PARD3: variants seen among roughly 807,000 people sequenced by gnomAD.
PARD3 encodes the protein par-3 family cell polarity regulator, also known as partitioning defective 3 homolog.
Under a neutral mutation model 155.4 loss-of-function variants are expected in PARD3, and 75 were observed. That is an observed-to-expected ratio of 0.48 (90% CI 0.40 to 0.58). The LOEUF (loss-of-function observed/expected upper bound fraction) is 0.58. PARD3 is among the 20% of genes least tolerant of loss of function. The pLI is 0.00. For synonymous variants in PARD3, 576 were observed against 610.5 expected (o/e 0.94, Z 0.83); for missense variants, 1,642 against 1,721.7 (o/e 0.95, Z 0.82).
intron 1 of PARD3, among the ~76,000 whole-genome samples, chr10:34,789,827 T>C (rs1254796833): frequency 6.6e-6 from 1 of 152,250 alleles, no homozygotes; most frequent in African/African-American, 2.4e-5. Flanking sequence ...TATGGGTGTT[T>C]ACTATCTTCT....
intron 2 of PARD3, among the ~76,000 whole-genome samples, chr10:34,662,336 A>G (rs2093345200): frequency 1.3e-5 from 2 of 152,226 alleles, no homozygotes; most frequent in South Asian, 4.1e-4. Flanking sequence ...CACAATAGAA[A>G]ACCATTTGGA....
At chr10:34,375,631 G>C (rs1841151791) in intron 10 of PARD3, among the ~76,000 whole-genome samples, 2 of 152,064 alleles carry the variant, frequency 1.3e-5, no homozygotes, top group African/African-American at 4.8e-5. Context: ...CTTGTTCTTA[G>C]GGAATCTTTT....
chr10:34,656,291 A>G (rs1446221304), intron 2 of PARD3, among the ~76,000 whole-genome samples: 1 of 152,080 alleles, frequency 6.6e-6, no homozygotes, highest in Non-Finnish European at 1.5e-5. Flanking sequence ...ACATAAACTG[A>G]CCTTAATTCC....
chr10:34,500,443 T>C (rs2133417906), intron 3 of PARD3, among the ~76,000 whole-genome samples: 1 of 152,224 alleles, frequency 6.6e-6, no homozygotes, highest in Non-Finnish European at 1.5e-5. Context: ...ACAGAATTAT[T>C]AAAATTGTCT....
rs377026317 is a variant in PARD3 at position 34,403,570 on chromosome 10, G to A, written c.715-1653C>T. Among the ~76,000 whole-genome samples, 120 of 152,270 alleles carry A rather than the reference G, an allele frequency of 7.9e-4. 1 individual carries two copies. In the South Asian group the frequency reaches 0.023, roughly 29 times the overall value. On this transcript the variant is annotated intron_variant, in intron 5 of 24. Transcript: ENST00000374788. ...CGAATCTATGAGAAGTAGAAACTAA[G>A]GGCACCAAACTTTTCTGTGAGTCGT...
rs762727556 is a variant in PARD3 at position 34,111,534 on chromosome 10, A to G, written c.3697T>C (p.Ser1233Pro). 6.3e-7 allele frequency: 1 copy of G among 1,599,420 alleles called. No homozygotes were observed. The highest frequency in any genetic ancestry group is 1.7e-4 in the Middle Eastern group (1 of 5,888). Residue 1233 changes from serine (S) to proline (P), a missense_variant, in exon 25 of 25, where the codon TCC (serine) becomes CCC (proline). By Grantham distance (74) the Ser-to-Pro change is moderately conservative (BLOSUM62 -1). Around this residue, in one of 3 missense-constraint regions of PARD3, gnomAD observed 1,529 missense variants for 1,587.3 expected, o/e 0.96. Coordinates refer to ENST00000374788, the MANE Select transcript of PARD3 (RefSeq NM_001184785.2). Reference protein sequence around the residue: ...RQSRKNASSVSQDSWEQNYSP... With the variant: ...RQSRKNASSVPQDSWEQNYSP... Reference sequence around the variant, plus strand: ...TAGTTCTGCTCCCAAGAGTCCTGGGAGACCGAGCTGGCATTTTTCCTGCTT... The same window carrying G: ...TAGTTCTGCTCCCAAGAGTCCTGGGGGACCGAGCTGGCATTTTTCCTGCTT...
rs2081841190 is a variant in PARD3, at chr10:34,517,298, A to C, written c.223-139T>G. On this transcript the variant is annotated intron_variant, in intron 2 of 24. Transcript: ENST00000374788. ...TAGAATGGTAAGTTTTACGAAGAAA[A>C]ACCTCAAAGAAACAGTGTTTCCCTA... is the stretch of plus-strand genomic sequence containing the variant. The C allele has an allele frequency of 4.4e-6, 3 of 676,642 alleles. No homozygotes were observed. In the South Asian group the frequency reaches 8.2e-5, roughly 19 times the overall value. The allele number at this position is 676,642 out of a possible 1,614,324, so 41.9% of individuals were successfully genotyped here.
intron 4 of PARD3, among the ~76,000 whole-genome samples, chr10:34,465,579 T>C (rs1028133336): frequency 1.3e-5 from 2 of 152,056 alleles, no homozygotes; most frequent in African/African-American, 2.4e-5. Flanking sequence ...ATTTAAAAAA[T>C]CAAAAGAAAA....
chr10:34,129,683 TTTGTAATGTCAAGCCTC>T lies in PARD3; in HGVS notation c.3540+1763_3540+1779del, dbSNP rs1169835077. Among the ~76,000 whole-genome samples the T allele has an allele frequency of 1.8e-4, 16 of 90,072 alleles. 2 individuals carry two copies. Among genetic ancestry groups the T allele is most frequent in the East Asian group, 2.0e-4 (1 of 5,126 alleles). The allele number at this position is 90,072 out of a possible 152,430, so 59.1% of individuals were successfully genotyped here. On this transcript the variant is annotated intron_variant, in intron 23 of 24. Transcript: ENST00000374788. Reference sequence around the variant, plus strand: ...TCCTCAAATCAAATGTTCCTTTTTTTTTGTAATGTCAAGCCTCTTTTTTTTTTTTTTTTTTGAGCCAG... The same window carrying T: ...TCCTCAAATCAAATGTTCCTTTTTTTTTTTTTTTTTTTTTTTTTGAGCCAG...
At chr10:34,126,915 G>T (rs1947318445) in intron 23 of PARD3, among the ~76,000 whole-genome samples, 2 of 151,722 alleles carry the variant, frequency 1.3e-5, no homozygotes, top group African/African-American at 4.8e-5. Flanking sequence ...ATAATTCCCT[G>T]CTCACTCATT....
chr10:34,390,753 A>G lies in PARD3; in HGVS notation c.891-6499T>C, dbSNP rs138960885. 8.2e-3 allele frequency among the ~76,000 whole-genome samples: 1,251 copies of G among 152,318 alleles called. 10 individuals carry two copies. Among genetic ancestry groups the G allele is most frequent in the Non-Finnish European group, 0.011 (747 of 68,020 alleles). On this transcript the variant is annotated intron_variant, in intron 7 of 24. Coordinates refer to ENST00000374788, the MANE Select transcript of PARD3 (RefSeq NM_001184785.2). ...GGAAAATAAATTGCGTTTTCAATAC[A>G]TAATAGAGCAAAAAATGATAAAGAA...
intron 3 of PARD3, among the ~76,000 whole-genome samples, chr10:34,510,833 T>A (rs2081359702): frequency 6.6e-6 from 1 of 152,196 alleles, no homozygotes; most frequent in Admixed American, 6.5e-5. Flanking sequence ...GTATTAATCA[T>A]AAATAACTCA....
intron 22 of PARD3, among the ~76,000 whole-genome samples, chr10:34,204,338 A>T (rs1463274099): frequency 3.3e-5 from 5 of 152,218 alleles, no homozygotes; most frequent in Non-Finnish European, 7.3e-5. Flanking sequence ...GGGCTGGACA[A>T]GATAACCACC....
Position 34,517,161 on chromosome 10 carries a change from T to A in PARD3, c.223-2A>T. The A allele has an allele frequency of 6.2e-7, 1 of 1,612,040 alleles. No homozygotes were observed. Among genetic ancestry groups the A allele is most frequent in the Non-Finnish European group, 8.5e-7 (1 of 1,179,126 alleles). ...CTGCTCATCAAACACTGCTACCAGCTAGAAATGAAAGGTAAATGTGCACTT... is the reference window on the plus strand; with the variant it reads ...CTGCTCATCAAACACTGCTACCAGCAAGAAATGAAAGGTAAATGTGCACTT... On this transcript the variant is annotated splice_acceptor_variant, in intron 2 of 24. Transcript: ENST00000374788. LOFTEE classifies it high-confidence loss of function.
intron 1 of PARD3, among the ~76,000 whole-genome samples, chr10:34,721,468 T>C (rs1452521698): frequency 6.6e-6 from 1 of 150,436 alleles, no homozygotes; most frequent in Non-Finnish European, 1.5e-5. Flanking sequence ...AGGGAAGGAG[T>C]CTGACCCTCT....
intron 22 of PARD3, among the ~76,000 whole-genome samples, chr10:34,254,469 A>C (rs1954542012): frequency 6.6e-6 from 1 of 151,920 alleles, no homozygotes; most frequent in Non-Finnish European, 1.5e-5. Flanking sequence ...TCTTTTTGTC[A>C]TTGTAATTGT....
At chr10:34,439,576 G>C (rs1029874659) in intron 5 of PARD3, among the ~76,000 whole-genome samples, 3 of 151,906 alleles carry the variant, frequency 2.0e-5, no homozygotes, top group Non-Finnish European at 4.4e-5. Flanking sequence ...TCCTGCCTCA[G>C]CCATCTGAGT....
At chr10:34,729,121 T>C (rs1732772751) in intron 1 of PARD3, among the ~76,000 whole-genome samples, 1 of 152,200 alleles carries the variant, frequency 6.6e-6, no homozygotes, top group South Asian at 2.1e-4. Context: ...CACCCTATGA[T>C]GCTCGCACAA....
intron 14 of PARD3, among the ~76,000 whole-genome samples, chr10:34,356,133 A>G (rs1436293846): frequency 6.6e-6 from 1 of 152,112 alleles, no homozygotes; most frequent in Non-Finnish European, 1.5e-5. Flanking sequence ...CTGGAAGGCT[A>G]AGCAAAATAG....
Sources: allele counts gnomAD v4.1 joint callset (sites outside exome capture counted in the v4.1 genomes callset), GRCh38; gene constraint gnomAD v4.1.1; regional missense constraint gnomAD v4.1.1; transcripts MANE v1.5; gene names NCBI Gene and HGNC (gene_info 2026-07-23, HGNC 2026-07-21).